Variants in RAD51B observed in about 807,000 individuals in gnomAD.
The protein encoded by RAD51B is RAD51 paralog B, also known as DNA repair protein RAD51 homolog 2.
Under a neutral mutation model 42.2 loss-of-function variants are expected in RAD51B, and 38 were observed. The ratio of observed to expected loss-of-function variants is 0.90; its 90% CI spans 0.70 to 1.18. The LOEUF (loss-of-function observed/expected upper bound fraction) is 1.18. Among genes scored for constraint, RAD51B ranks in the 50% most tolerant of loss-of-function variants. The pLI is 0.00. For synonymous variants in RAD51B, 154 were observed against 145.2 expected, an observed-to-expected ratio of 1.06 and a Z score of -0.43; for missense variants, 373 against 400.7, an observed-to-expected ratio of 0.93 and a Z score of 0.59.
At chr14:68,069,875 A>C (rs1425609042) in intron 7 of RAD51B, among the ~76,000 whole-genome samples, 3 of 152,180 alleles carry the variant, frequency 2.0e-5, no homozygotes, top group Non-Finnish European at 2.9e-5. Context: ...AACTTTCTAC[A>C]GTGGCTGAAC....
chr14:68,372,256 G>T (rs1287152417), intron 8 of RAD51B, among the ~76,000 whole-genome samples: 1 of 152,064 alleles, frequency 6.6e-6, no homozygotes, highest in Non-Finnish European at 1.5e-5. Flanking sequence ...GCCTGGGGTA[G>T]GTTAAAGAGA....
chr14:68,665,797 T>C (rs558030506), intron 11 of RAD51B, among the ~76,000 whole-genome samples: 1 of 152,350 alleles, frequency 6.6e-6, no homozygotes, highest in Non-Finnish European at 1.5e-5. Context: ...CTGGTACCCA[T>C]GCCCCTGTTT....
intron 9 of RAD51B, among the ~76,000 whole-genome samples, chr14:68,435,824 T>C (rs1253296818): frequency 2.0e-5 from 3 of 152,210 alleles, no homozygotes; most frequent in African/African-American, 7.2e-5. Flanking sequence ...GTGTATCTTC[T>C]TTTGGGAACT....
At chr14:68,369,111 T>C (rs1038083266) in intron 8 of RAD51B, among the ~76,000 whole-genome samples, 6 of 152,252 alleles carry the variant, frequency 3.9e-5, no homozygotes, top group Non-Finnish European at 7.3e-5. Flanking sequence ...GGCCTGGTGA[T>C]ACATCCCTCT....
intron 9 of RAD51B, among the ~76,000 whole-genome samples, chr14:68,429,564 T>C (rs1489165678): frequency 6.6e-5 from 10 of 152,254 alleles, no homozygotes; most frequent in Admixed American, 6.5e-4. Flanking sequence ...TTTTGAAAAG[T>C]GTCTGTTCAT....
intron 10 of RAD51B, among the ~76,000 whole-genome samples, chr14:68,527,702 G>A (rs758468026): frequency 1.8e-4 from 27 of 152,176 alleles, no homozygotes; most frequent in Non-Finnish European, 2.9e-4. Context: ...AGAATGTCTG[G>A]AGCACATCAG....
rs370054415 is a variant in RAD51B at position 68,199,541 on chromosome 14, A to G, written c.757-92343A>G. On this transcript the variant is annotated intron_variant, in intron 7 of 10. Transcript: ENST00000471583. ...CTTTTGTGGAGTCTATAGGCTTGAC[A>G]AAAGAAAAAACTCAGACTCCAGTGA... Among the ~76,000 whole-genome samples, 189 of 152,332 alleles carry G rather than the reference A, an allele frequency of 1.2e-3. 1 individual carries two copies. The highest frequency in any genetic ancestry group is 3.4e-3 in the Middle Eastern group (1 of 294).
chr14:67,882,869 C>T (rs976991804), intron 5 of RAD51B, among the ~76,000 whole-genome samples: 3 of 152,020 alleles, frequency 2.0e-5, no homozygotes, highest in South Asian at 2.1e-4. Flanking sequence ...TTCAGCCTCC[C>T]GAGTAGCTGG....
chr14:68,013,681 A>G (rs2075726415), intron 7 of RAD51B, among the ~76,000 whole-genome samples: 1 of 152,330 alleles, frequency 6.6e-6, no homozygotes, highest in Non-Finnish European at 1.5e-5. Context: ...GACAACAAAT[A>G]ATTTACTATG....
chr14:68,302,399 C>T (rs1439244523), intron 8 of RAD51B, among the ~76,000 whole-genome samples: 1 of 152,060 alleles, frequency 6.6e-6, no homozygotes, highest in Non-Finnish European at 1.5e-5. Flanking sequence ...AACTTTACAA[C>T]AAGGAGGCAT....
At chr14:68,047,247 A>T (rs914382715) in intron 7 of RAD51B, among the ~76,000 whole-genome samples, 2 of 152,174 alleles carry the variant, frequency 1.3e-5, no homozygotes, top group African/African-American at 4.8e-5. Context: ...GTAGAAGGAA[A>T]ATAATGTTTA....
chr14:68,152,134 A>G (rs1028180216), intron 7 of RAD51B, among the ~76,000 whole-genome samples: 1 of 152,046 alleles, frequency 6.6e-6, no homozygotes, highest in African/African-American at 2.4e-5. Context: ...GTGAACCACC[A>G]TGCCCAGCCA....
At chr14:68,436,869 G>T (rs1029393063) in intron 9 of RAD51B, among the ~76,000 whole-genome samples, 7 of 152,110 alleles carry the variant, frequency 4.6e-5, no homozygotes, top group African/African-American at 1.7e-4. Context: ...CATTGATTTT[G>T]TATCCTGAAA....
chr14:68,611,049 G>A lies in RAD51B; in HGVS notation c.1080G>A (p.Trp360Ter). Reference sequence around the variant, plus strand: ...GAGTCAGCCCCAGGTCAGAATGCTGGTCAGCAGCAGACTCACATCCCAGCC... The same window carrying A: ...GAGTCAGCCCCAGGTCAGAATGCTGATCAGCAGCAGACTCACATCCCAGCC... Residue 360 changes from tryptophan to a stop codon, truncating the protein, a stop_gained, in exon 11 of 11, where the codon TGG (tryptophan) becomes TGA (stop). Coordinates refer to the RAD51B transcript ENST00000487861. LOFTEE classifies it low-confidence loss of function (END_TRUNC). The A allele has an allele frequency of 1.4e-6, 1 of 703,158 alleles. No individual in the cohort carries two copies. The highest frequency in any genetic ancestry group is 2.6e-6 in the Non-Finnish European group (1 of 385,018). The allele number at this position is 703,158 out of a possible 1,614,324, so 43.6% of individuals were successfully genotyped here.
chr14:68,093,587 CTTTTT>C (rs1269029645), intron 7 of RAD51B, among the ~76,000 whole-genome samples: 1 of 152,014 alleles, frequency 6.6e-6, no homozygotes, highest in Non-Finnish European at 1.5e-5. Flanking sequence ...TGATTCATCT[CTTTTT>C]TCTTCTTTAT....
At chr14:67,888,867 T>C (rs1398813071) in intron 7 of RAD51B, among the ~76,000 whole-genome samples, 1 of 152,184 alleles carries the variant, frequency 6.6e-6, no homozygotes, top group African/African-American at 2.4e-5. Flanking sequence ...CAATCCCCCA[T>C]GGATACAGGG....
intron 10 of RAD51B, chr14:68,470,485 A>G (rs776249076): frequency 2.9e-4 from 141 of 484,542 alleles, no homozygotes; most frequent in Non-Finnish European, 7.4e-5. Flanking sequence ...CAGCTTTGGT[A>G]TGATCTTGAG....
chr14:68,116,204 T>C (rs1481099047), intron 7 of RAD51B, among the ~76,000 whole-genome samples: 2 of 152,024 alleles, frequency 1.3e-5, no homozygotes, highest in East Asian at 1.9e-4. Context: ...GATGTTGTCA[T>C]GCAGTCAGTG....
chr14:68,052,257 TG>T (rs1224264573), intron 7 of RAD51B, among the ~76,000 whole-genome samples: 1 of 152,204 alleles, frequency 6.6e-6, no homozygotes, highest in Non-Finnish European at 1.5e-5. Flanking sequence ...ACCATCAAAG[TG>T]TATTTCTTTG....
Sources: allele counts gnomAD v4.1 joint callset (sites outside exome capture counted in the v4.1 genomes callset), GRCh38; gene constraint gnomAD v4.1.1; transcripts MANE v1.5; gene names NCBI Gene and HGNC (gene_info 2026-07-23, HGNC 2026-07-21).